The following KCNK2 variants were observed in gnomAD, a reference collection of about 807,000 sequenced individuals.
The protein encoded by KCNK2 is potassium two pore domain channel subfamily K member 2.
KCNK2 carries 21 observed loss-of-function variants against 40.5 expected under a neutral mutation model. The ratio of observed to expected loss-of-function variants is 0.52; its 90% CI spans 0.37 to 0.75. KCNK2 has a LOEUF of 0.75. KCNK2 is among the 30% of genes least tolerant of loss of function. The pLI is 0.00. For missense variants in KCNK2, 399 were observed against 531.6 expected (o/e 0.75, Z 2.45); for synonymous variants, 191 against 202.2 (o/e 0.94, Z 0.47).
chr1:215,160,815 A>T (rs1663161357), intron 3 of KCNK2, among the ~76,000 whole-genome samples: 1 of 151,950 alleles, frequency 6.6e-6, no homozygotes, highest in Non-Finnish European at 1.5e-5. Context: ...CTCCCCCATA[A>T]TTTGTAGATC....
intron 1 of KCNK2, among the ~76,000 whole-genome samples, chr1:215,024,945 G>GTTTTT (rs376087335): frequency 1.2e-5 from 1 of 82,496 alleles, no homozygotes; most frequent in African/African-American, 3.4e-5. Context: ...ATCTACAGGA[G>GTTTTT]TTTTTTTTTT....
At chr1:215,010,864 TTTTTTG>T (rs1558055493) in intron 1 of KCNK2, among the ~76,000 whole-genome samples, 4 of 137,878 alleles carry the variant, frequency 2.9e-5, no homozygotes, top group East Asian at 4.4e-4. Context: ...TTTTTTTTTT[TTTTTTG>T]TGTGTGTGTG....
At chr1:215,085,186 A>G (rs1259065076) in intron 1 of KCNK2, among the ~76,000 whole-genome samples, 1 of 152,210 alleles carries the variant, frequency 6.6e-6, no homozygotes, top group Non-Finnish European at 1.5e-5. Context: ...AGATAAGATT[A>G]TCATTTTATA....
At chr1:215,213,894 G>T (rs1211319796) in intron 6 of KCNK2, among the ~76,000 whole-genome samples, 2 of 152,050 alleles carry the variant, frequency 1.3e-5, no homozygotes, top group African/African-American at 2.4e-5. Flanking sequence ...TAATGTCAAA[G>T]CTCTAGAATT....
chr1:215,052,215 T>A (rs1658014842), intron 1 of KCNK2, among the ~76,000 whole-genome samples: 2 of 152,150 alleles, frequency 1.3e-5, no homozygotes, highest in South Asian at 4.2e-4. Context: ...TAGAGAATCA[T>A]GGATGGGGGC....
intron 2 of KCNK2, among the ~76,000 whole-genome samples, chr1:215,120,265 G>T (rs1571634798): frequency 6.6e-6 from 1 of 152,044 alleles, no homozygotes; most frequent in East Asian, 1.9e-4. Context: ...TCATAGTGCT[G>T]GTTATGAAGG....
At chr1:215,154,429 T>A (rs181023052) in intron 3 of KCNK2, among the ~76,000 whole-genome samples, 5,175 of 151,360 alleles carry the variant, frequency 0.034, 120 homozygotes, top group Middle Eastern at 0.082. Flanking sequence ...TTTGATGGGT[T>A]TTTTTTTTTC....
chr1:215,133,691 T>C (rs1422641624), intron 3 of KCNK2, among the ~76,000 whole-genome samples: 1 of 152,010 alleles, frequency 6.6e-6, no homozygotes, highest in Non-Finnish European at 1.5e-5. Flanking sequence ...GTTATTTATG[T>C]GGTAGGGTGC....
chr1:215,012,092 G>C (rs1656418991), intron 1 of KCNK2, among the ~76,000 whole-genome samples: 1 of 152,038 alleles, frequency 6.6e-6, no homozygotes, highest in African/African-American at 2.4e-5. Flanking sequence ...TGATGATTAG[G>C]AACAATGCTG....
chr1:215,057,470 T>C (rs1257942874), intron 1 of KCNK2, among the ~76,000 whole-genome samples: 1 of 152,086 alleles, frequency 6.6e-6, no homozygotes, highest in Non-Finnish European at 1.5e-5. Context: ...CAGTGAAATA[T>C]ATGGTTTCTG....
At chr1:215,077,991 A>T (rs1659007096), upstream of KCNK2, among the ~76,000 whole-genome samples, 1 of 152,146 alleles carries the variant, frequency 6.6e-6, no homozygotes, top group Non-Finnish European at 1.5e-5. Context: ...TGCTCAGAAG[A>T]TTAAATAAGT....
chr1:215,203,978 C>CA (rs1665192859), intron 6 of KCNK2, among the ~76,000 whole-genome samples: 1 of 122,546 alleles, frequency 8.2e-6, no homozygotes, highest in Admixed American at 1.2e-4. Flanking sequence ...GTGGAGCTTG[C>CA]AGTGAGCCGA....
intron 1 of KCNK2, among the ~76,000 whole-genome samples, chr1:215,053,973 A>C (rs2102501598): frequency 6.6e-6 from 1 of 152,342 alleles, no homozygotes; most frequent in South Asian, 2.1e-4. Context: ...TCTCAAAAAA[A>C]CAAAGTACAA....
chr1:215,177,740 A>ATATATATATT (rs71167812), intron 5 of KCNK2, among the ~76,000 whole-genome samples: 2,415 of 101,450 alleles, frequency 0.024, 50 homozygotes, highest in Non-Finnish European at 0.036. Context: ...ATATATATAT[A>ATATATATATT]TTTTTTTTTT....
intron 1 of KCNK2, among the ~76,000 whole-genome samples, chr1:215,052,479 T>C (rs1658024657): frequency 6.6e-6 from 1 of 152,128 alleles, no homozygotes; most frequent in Admixed American, 6.5e-5. Context: ...ACATTGGAAT[T>C]TCAGCTTTCA....
At position 215,172,144 on chromosome 1, in the gene KCNK2, A is replaced by G. The variant is rs1663743218; in HGVS notation, c.784A>G (p.Ile262Val). ...SALDAIYFVVITLTTIGFGDY... is the reference protein window; with the variant it reads ...SALDAIYFVVVTLTTIGFGDY... ...CCTGGACGCCATTTATTTTGTGGTT[A>G]TCACTCTAACAACTATTGGATTTGG... The change falls in exon 5 of 7, where the codon ATC becomes GTC. Residue 262 changes from isoleucine (I) to valine (V), a missense_variant. Ile to Val is a conservative substitution (Grantham distance 29, BLOSUM62 3). This residue lies in a region of KCNK2 where 279 missense variants were observed against 353.8 expected (regional missense o/e 0.79). Transcript: ENST00000444842. The G allele has an allele frequency of 1.2e-6, 2 of 1,613,338 alleles. No individual in the cohort carries two copies. The highest frequency in any genetic ancestry group is 1.7e-6 in the Non-Finnish European group (2 of 1,179,660).
chr1:215,054,121 C>T (rs984094752), intron 1 of KCNK2, among the ~76,000 whole-genome samples: 1 of 152,160 alleles, frequency 6.6e-6, no homozygotes, highest in Non-Finnish European at 1.5e-5. Context: ...TGAGCTGCAG[C>T]TATATTATTC....
chr1:215,109,737 A>C (rs1303152365), intron 2 of KCNK2, among the ~76,000 whole-genome samples: 1 of 152,012 alleles, frequency 6.6e-6, no homozygotes, highest in Non-Finnish European at 1.5e-5. Context: ...CTTTTGAGTA[A>C]ATACCTAATG....
At chr1:215,224,487 C>T (rs752543682) in intron 6 of KCNK2, among the ~76,000 whole-genome samples, 3 of 152,018 alleles carry the variant, frequency 2.0e-5, no homozygotes, top group Non-Finnish European at 2.9e-5. Flanking sequence ...TTTGCAGAGT[C>T]GTTTGGAGGC....
Sources: gnomAD v4.1 joint callset for allele counts (sites outside exome capture counted in the v4.1 genomes callset) on GRCh38, gnomAD v4.1.1 for gene constraint, gnomAD v4.1.1 regional missense constraint, MANE v1.5 for transcripts, NCBI Gene and HGNC (gene_info 2026-07-23, HGNC 2026-07-21) for gene names.